TSPAN9: variants seen among roughly 807,000 people sequenced by gnomAD.
TSPAN9 encodes the protein tetraspanin 9.
A neutral mutation model predicts 31.0 loss-of-function variants in TSPAN9; 16 were observed. That is an observed-to-expected ratio of 0.52 (90% CI 0.35 to 0.78). The LOEUF (loss-of-function observed/expected upper bound fraction) is 0.78. Among genes scored for constraint, TSPAN9 ranks in the 30% least tolerant of loss-of-function variants. The pLI, the probability that TSPAN9 is intolerant of heterozygous loss-of-function variation, is 0.01. For synonymous variants in TSPAN9, 145 were observed against 121.6 expected (o/e 1.19, Z -1.27); for missense variants, 272 against 312.5 (o/e 0.87, Z 0.98).
intron 3 of TSPAN9, among the ~76,000 whole-genome samples, chr12:3,232,709 C>T (rs2098391400): frequency 6.6e-6 from 1 of 152,182 alleles, no homozygotes; most frequent in African/African-American, 2.4e-5. Context: ...ATCCAGCCCT[C>T]CCTGTCCTTG....
intron 3 of TSPAN9, among the ~76,000 whole-genome samples, chr12:3,205,881 G>A (rs2098374868): frequency 6.6e-6 from 1 of 152,126 alleles, no homozygotes; most frequent in Non-Finnish European, 1.5e-5. Context: ...GTGGCCGTGA[G>A]GGAATGCCAG....
At chr12:3,118,022 C>T (rs906951336) in intron 2 of TSPAN9, among the ~76,000 whole-genome samples, 3 of 152,036 alleles carry the variant, frequency 2.0e-5, no homozygotes, top group African/African-American at 7.3e-5. Context: ...GGTTCCCCTC[C>T]TGGGCCTGCC....
chr12:3,249,213 C>G (rs1230597110), intron 3 of TSPAN9, among the ~76,000 whole-genome samples: 1 of 152,198 alleles, frequency 6.6e-6, no homozygotes, highest in African/African-American at 2.4e-5. Context: ...CACCTGGACC[C>G]TCCAGCTGCG....
chr12:3,175,624 G>A (rs199748585), intron 2 of TSPAN9, among the ~76,000 whole-genome samples: 1 of 145,126 alleles, frequency 6.9e-6, no homozygotes, highest in Non-Finnish European at 1.5e-5. Flanking sequence ...AGGCCTCTAA[G>A]TGAGCAGGCC....
At chr12:3,237,703 G>A (rs1401180921) in intron 3 of TSPAN9, among the ~76,000 whole-genome samples, 1 of 152,184 alleles carries the variant, frequency 6.6e-6, no homozygotes. Flanking sequence ...TAGGGTTTCA[G>A]CTTTCTGCAA....
At chr12:3,236,848 A>G (rs1302219347) in intron 3 of TSPAN9, among the ~76,000 whole-genome samples, 2 of 152,190 alleles carry the variant, frequency 1.3e-5, no homozygotes, top group Non-Finnish European at 2.9e-5. Flanking sequence ...AAAGCTCTGC[A>G]GGCTCAGATC....
intron 2 of TSPAN9, among the ~76,000 whole-genome samples, chr12:3,159,352 G>T (rs1591653377): frequency 6.6e-6 from 1 of 152,002 alleles, no homozygotes. Context: ...TAATTTCTAG[G>T]ATTTGTGGAT....
intron 3 of TSPAN9, among the ~76,000 whole-genome samples, chr12:3,221,914 T>A (rs1247984045): frequency 2.0e-5 from 3 of 152,234 alleles, no homozygotes; most frequent in Non-Finnish European, 4.4e-5. Context: ...AGTGCTAGGA[T>A]GATTGGTATA....
At chr12:3,250,620 C>T (rs75303070) in intron 3 of TSPAN9, among the ~76,000 whole-genome samples, 4,985 of 152,334 alleles carry the variant, frequency 0.033, 288 homozygotes, top group African/African-American at 0.12. Flanking sequence ...TAGCCCAAGA[C>T]GCCCTGTCCT....
chr12:3,282,458 G>C lies in TSPAN9; in HGVS notation c.649-587G>C, dbSNP rs555272271. Among the ~76,000 whole-genome samples, 7 of 152,140 alleles carry C rather than the reference G, an allele frequency of 4.6e-5. No homozygotes were observed. The East Asian group carries it at 1.2e-3, about 25-fold the overall frequency. On this transcript the variant is annotated intron_variant, in intron 8 of 8. Coordinates refer to ENST00000011898, the MANE Select transcript of TSPAN9 (RefSeq NM_006675.5). ...GCTCAGGCTGGAGTGCGGTGGCGCC[G>C]TCATAGCTCGCTGCAGCCACAAACT...
chr12:3,116,031 G>A (rs1218834921), intron 2 of TSPAN9, among the ~76,000 whole-genome samples: 2 of 152,160 alleles, frequency 1.3e-5, no homozygotes, highest in Non-Finnish European at 2.9e-5. Context: ...ACACATTTCT[G>A]ATTGCAAGAC....
intron 2 of TSPAN9, among the ~76,000 whole-genome samples, chr12:3,193,828 A>G (rs1005528184): frequency 1.2e-4 from 18 of 152,186 alleles, no homozygotes; most frequent in Admixed American, 5.2e-4. Context: ...TTCTTCCTCC[A>G]TACATTTGTT....
intron 1 of TSPAN9, among the ~76,000 whole-genome samples, chr12:3,082,222 G>T (rs1174742633): frequency 6.6e-6 from 1 of 152,204 alleles, no homozygotes; most frequent in African/African-American, 2.4e-5. Context: ...AGTGGTGGTG[G>T]ACATGAACCC....
chr12:3,286,032 G>A lies in TSPAN9; in HGVS notation c.*2916G>A, dbSNP rs753837536. 6.6e-6 allele frequency: 1 copy of A among 152,594 alleles called. No individual in the cohort carries two copies. Among genetic ancestry groups the A allele is most frequent in the East Asian group, 1.9e-4 (1 of 5,192 alleles). The allele number at this position is 152,594 out of a possible 1,614,324, so 9.5% of individuals were successfully genotyped here. ...CCCTGCCCCGGACCCTCTTGCAGGT[G>A]TCCTGGTTTGACTTGGAACTAGATG... On this transcript the variant is annotated 3_prime_UTR_variant, in exon 9 of 9. Transcript: ENST00000011898. The surrounding 1 kb of genome is among the most constrained non-coding windows in gnomAD (Gnocchi z 4.1).
At chr12:3,253,472 A>G (rs1862290846) in intron 3 of TSPAN9, among the ~76,000 whole-genome samples, 1 of 152,068 alleles carries the variant, frequency 6.6e-6, no homozygotes, top group South Asian at 2.1e-4. Flanking sequence ...ACCTCCTCAT[A>G]GGTTGTGGTG....
At chr12:3,279,091 G>T in intron 5 of TSPAN9, 25 bp downstream of exon 5, 2 of 1,607,482 alleles carry the variant, frequency 1.2e-6, no homozygotes, top group African/African-American at 1.3e-5. Flanking sequence ...ATGGGAGGGG[G>T]CATATGGAAT....
chr12:3,280,332 C>A lies in TSPAN9; in HGVS notation c.331-50C>A, dbSNP rs151039760. ...GGTGACCTGAGGTGGGCTGGAGAGA[C>A]GAGCTGCGTCCTGGTTCCAACCGTC... On this transcript the variant is annotated intron_variant, in intron 5 of 8. Coordinates refer to ENST00000011898, the MANE Select transcript of TSPAN9 (RefSeq NM_006675.5). The surrounding 1 kb of genome is among the most constrained non-coding windows in gnomAD (Gnocchi z 4.5). 3.4e-4 allele frequency: 529 copies of A among 1,559,712 alleles called. 2 individuals carry two copies. In the African/African-American group the frequency reaches 6.2e-3, roughly 18 times the overall value.
At chr12:3,282,111 G>T (rs1862906928) in intron 8 of TSPAN9, 2 of 632,660 alleles carry the variant, frequency 3.2e-6, no homozygotes, top group Admixed American at 2.3e-5. Flanking sequence ...CAAACCTTGA[G>T]CTCAGAGAGC....
chr12:3,177,186 G>A (rs1177478014), intron 2 of TSPAN9, among the ~76,000 whole-genome samples: 1 of 151,758 alleles, frequency 6.6e-6, no homozygotes, highest in Admixed American at 6.5e-5. Context: ...TGCCCAGGCC[G>A]GACTGCAGTG....
Sources: allele counts gnomAD v4.1 joint callset (sites outside exome capture counted in the v4.1 genomes callset), GRCh38; gene constraint gnomAD v4.1.1; non-coding constraint Gnocchi (gnomAD v3.1); transcripts MANE v1.5; gene names NCBI Gene and HGNC (gene_info 2026-07-23, HGNC 2026-07-21).